ELMO1: variants seen among roughly 807,000 people sequenced by gnomAD.
The protein encoded by ELMO1 is engulfment and cell motility 1.
Under a neutral mutation model 98.9 loss-of-function variants are expected in ELMO1, and 26 were observed. The observed-to-expected ratio is 0.26, with a 90% CI of 0.19 to 0.36. The LOEUF is 0.36. ELMO1 is among the 10% of genes least tolerant of loss of function. ELMO1 has a pLI of 1.00. For synonymous variants in ELMO1, 346 were observed against 346.0 expected (o/e 1.00, Z 0.00); for missense variants, 627 against 935.2 (o/e 0.67, Z 4.30).
At chr7:37,359,172 T>G (rs1186455506) in intron 1 of ELMO1, among the ~76,000 whole-genome samples, 1 of 152,246 alleles carries the variant, frequency 6.6e-6, no homozygotes, top group Non-Finnish European at 1.5e-5. Context: ...AAGCCGTCAG[T>G]GCCAAATACA....
At chr7:37,279,092 C>T (rs1259874647) in intron 4 of ELMO1, among the ~76,000 whole-genome samples, 1 of 152,172 alleles carries the variant, frequency 6.6e-6, no homozygotes, top group Non-Finnish European at 1.5e-5. Context: ...ATCCCAGCTA[C>T]TCAGGAGGCT....
At chr7:37,361,371 A>G (rs1055806006) in intron 1 of ELMO1, among the ~76,000 whole-genome samples, 2 of 152,242 alleles carry the variant, frequency 1.3e-5, no homozygotes, top group Non-Finnish European at 2.9e-5. Context: ...GCTGCATCAG[A>G]TATTGGCACA....
At chr7:36,994,655 C>T (rs1327247006) in intron 16 of ELMO1, among the ~76,000 whole-genome samples, 1 of 152,256 alleles carries the variant, frequency 6.6e-6, no homozygotes, top group Non-Finnish European at 1.5e-5. Flanking sequence ...CTGAGAGGGA[C>T]TAGGGTGCTC....
At chr7:37,065,649 TA>T (rs1226798770) in intron 15 of ELMO1, among the ~76,000 whole-genome samples, 1 of 152,162 alleles carries the variant, frequency 6.6e-6, no homozygotes, top group Non-Finnish European at 1.5e-5. Flanking sequence ...ATAACTTTAG[TA>T]CCAACCCACA....
intron 17 of ELMO1, among the ~76,000 whole-genome samples, chr7:36,889,816 C>T (rs1308744287): frequency 6.6e-6 from 1 of 151,304 alleles, no homozygotes; most frequent in Non-Finnish European, 1.5e-5. Flanking sequence ...TTACTCCCCG[C>T]TTTTTTTTTG....
At chr7:37,406,212 A>AAGGGAAAAATCTGCAGTTGGTG (rs1803752373) in intron 1 of ELMO1, among the ~76,000 whole-genome samples, 1 of 151,550 alleles carries the variant, frequency 6.6e-6, no homozygotes, top group Non-Finnish European at 1.5e-5. Flanking sequence ...TAAAGATGGT[A>AAGGGAAAAATCTGCAGTTGGTG]CAAGTGAAAA....
chr7:37,175,624 T>C (rs1467600326), intron 13 of ELMO1, among the ~76,000 whole-genome samples: 1 of 152,176 alleles, frequency 6.6e-6, no homozygotes, highest in African/African-American at 2.4e-5. Context: ...GGCAGGCAGA[T>C]TGCCTGAGCT....
At chr7:37,301,133 G>A (rs528843055) in intron 4 of ELMO1, among the ~76,000 whole-genome samples, 1 of 151,914 alleles carries the variant, frequency 6.6e-6, no homozygotes, top group South Asian at 2.1e-4. Context: ...ATCATTTTTT[G>A]TTGTAAGACT....
At chr7:37,240,137 C>T (rs1794684827) in intron 7 of ELMO1, among the ~76,000 whole-genome samples, 1 of 150,388 alleles carries the variant, frequency 6.6e-6, no homozygotes, top group South Asian at 2.1e-4. Context: ...CTCCCTAGCT[C>T]AAGCAATCCC....
chr7:37,179,388 C>T (rs1584770539), intron 13 of ELMO1, among the ~76,000 whole-genome samples: 2 of 151,614 alleles, frequency 1.3e-5, no homozygotes, highest in Admixed American at 6.6e-5. Flanking sequence ...AGTGATTCTC[C>T]CACCTCAGCC....
intron 13 of ELMO1, among the ~76,000 whole-genome samples, chr7:37,200,477 GAC>G (rs1792225867): frequency 6.6e-6 from 1 of 152,096 alleles, no homozygotes; most frequent in Admixed American, 6.6e-5. Flanking sequence ...ATCCAAGAAA[GAC>G]AGCACAGAGG....
chr7:37,099,196 G>A (rs1029084955), intron 14 of ELMO1, among the ~76,000 whole-genome samples: 4 of 152,058 alleles, frequency 2.6e-5, no homozygotes, highest in African/African-American at 7.2e-5. Context: ...AAATAAACCC[G>A]CCGCCTTCTT....
intron 13 of ELMO1, among the ~76,000 whole-genome samples, chr7:37,158,136 A>G (rs1447357476): frequency 6.6e-6 from 1 of 152,178 alleles, no homozygotes; most frequent in African/African-American, 2.4e-5. Context: ...CCTTCCTTAC[A>G]CCTTATACAA....
intron 13 of ELMO1, among the ~76,000 whole-genome samples, chr7:37,175,377 A>G (rs1269474609): frequency 1.3e-5 from 2 of 152,204 alleles, no homozygotes; most frequent in Non-Finnish European, 2.9e-5. Context: ...TGCCAATAGT[A>G]ACACATCACA....
At chr7:37,041,494 T>A (rs1795505749) in intron 15 of ELMO1, among the ~76,000 whole-genome samples, 1 of 152,166 alleles carries the variant, frequency 6.6e-6, no homozygotes, top group Admixed American at 6.5e-5. Flanking sequence ...GGAGTGAGTG[T>A]TTTTGTATTT....
chr7:37,301,224 T>C (rs1455727274), intron 4 of ELMO1, among the ~76,000 whole-genome samples: 1 of 149,384 alleles, frequency 6.7e-6, no homozygotes, highest in Non-Finnish European at 1.5e-5. Flanking sequence ...AAGAATGAAG[T>C]CATGGAGAGA....
chr7:37,349,496 C>T (rs1199529281), intron 1 of ELMO1, among the ~76,000 whole-genome samples: 1 of 152,114 alleles, frequency 6.6e-6, no homozygotes, highest in Non-Finnish European at 1.5e-5. Context: ...CTCTGTCACC[C>T]AGGCTGGAGT....
intron 9 of ELMO1, among the ~76,000 whole-genome samples, chr7:37,223,166 T>C (rs1216555037): frequency 1.3e-5 from 2 of 152,226 alleles, no homozygotes; most frequent in Non-Finnish European, 2.9e-5. Flanking sequence ...TTTCCAAATA[T>C]AAACATTTCA....
intron 1 of ELMO1, among the ~76,000 whole-genome samples, chr7:37,382,313 C>T (rs1054499934): frequency 7.9e-5 from 12 of 152,038 alleles, no homozygotes; most frequent in African/African-American, 2.7e-4. Context: ...TAAAGTATAC[C>T]CTTCACCCGT....
Sources: gnomAD v4.1 joint callset for allele counts (sites outside exome capture counted in the v4.1 genomes callset) on GRCh38, gnomAD v4.1.1 for gene constraint, MANE v1.5 for transcripts, NCBI Gene and HGNC (gene_info 2026-07-23, HGNC 2026-07-21) for gene names.